Variants in TBC1D5 observed in about 807,000 individuals in gnomAD.
TBC1D5 encodes the protein TBC1 domain family member 5, also known as TBC1 domain family, member 5.
In TBC1D5, 75 loss-of-function variants were observed where a neutral mutation model predicts 100.3. The ratio of observed to expected loss-of-function variants is 0.75; its 90% CI spans 0.62 to 0.91. TBC1D5 has a LOEUF of 0.91. Ranked by LOEUF, TBC1D5 falls within the 40% of genes least tolerant of loss-of-function variation. The pLI is 0.00. For synonymous variants in TBC1D5, 323 were observed against 325.6 expected, an observed-to-expected ratio of 0.99 and a Z score of 0.09; for missense variants, 910 against 942.4, an observed-to-expected ratio of 0.97 and a Z score of 0.45.
chr3:17,691,712 G>T (rs1449408776), intron 1 of TBC1D5, among the ~76,000 whole-genome samples: 1 of 151,876 alleles, frequency 6.6e-6, no homozygotes, highest in African/African-American at 2.4e-5. Flanking sequence ...AGCTATTCAG[G>T]AGCCTGAGGC....
At chr3:17,690,438 G>A (rs539350121) in intron 1 of TBC1D5, among the ~76,000 whole-genome samples, 358 of 34,786 alleles carry the variant, frequency 0.01, 105 homozygotes, top group African/African-American at 0.029. Flanking sequence ...GGATGGTCTC[G>A]ATCTCCTGAC....
At position 17,701,685 on chromosome 3, in the gene TBC1D5, C is replaced by T. The variant is rs1335512771; in HGVS notation, c.-101+37658G>A. 5.3e-5 allele frequency among the ~76,000 whole-genome samples: 8 copies of T among 151,800 alleles called. 1 individual carries two copies. The East Asian group carries it at 9.6e-4, about 18-fold the overall frequency. ...TATGAACAGTATCCAAATAAATAATCGTTGAAATTTTTCCAGACTAACTGA... is the reference window on the plus strand; with the variant it reads ...TATGAACAGTATCCAAATAAATAATTGTTGAAATTTTTCCAGACTAACTGA... On this transcript the variant is annotated intron_variant, in intron 1 of 21. Transcript: ENST00000253692.
At chr3:17,354,893 C>G (rs190898720) in intron 13 of TBC1D5, among the ~76,000 whole-genome samples, 1 of 151,922 alleles carries the variant, frequency 6.6e-6, no homozygotes, top group African/African-American at 2.4e-5. Flanking sequence ...AGAATGCACA[C>G]GGACAAATTC....
intron 2 of TBC1D5, among the ~76,000 whole-genome samples, chr3:17,554,348 A>AG (rs1249818230): frequency 6.6e-6 from 1 of 152,210 alleles, no homozygotes; most frequent in Admixed American, 6.5e-5. Flanking sequence ...GTAATGTGGG[A>AG]GACCAGTCAG....
intron 1 of TBC1D5, among the ~76,000 whole-genome samples, chr3:17,673,311 C>CTTTTTTTTTTTTTTTTTTTT (rs374496313): frequency 7.9e-6 from 1 of 125,982 alleles, no homozygotes. Flanking sequence ...CTTTTCTTTT[C>CTTTTTTTTTTTTTTTTTTTT]TTTTTTTTTT....
intron 3 of TBC1D5, among the ~76,000 whole-genome samples, chr3:17,449,416 C>A (rs1308404156): frequency 1.3e-5 from 2 of 152,142 alleles, no homozygotes; most frequent in Non-Finnish European, 2.9e-5. Context: ...GGTGCTGAAG[C>A]CAGGGAGCCA....
At chr3:17,736,014 C>T (rs1365843362) in intron 1 of TBC1D5, among the ~76,000 whole-genome samples, 1 of 152,158 alleles carries the variant, frequency 6.6e-6, no homozygotes, top group African/African-American at 2.4e-5. Flanking sequence ...TGCTCTCAGG[C>T]AATATACGAT....
intron 18 of TBC1D5, among the ~76,000 whole-genome samples, chr3:17,199,472 A>G (rs555988320): frequency 1.3e-5 from 2 of 152,360 alleles, no homozygotes; most frequent in South Asian, 4.1e-4. Flanking sequence ...ATATTTTCAC[A>G]TCATGATACA....
intron 2 of TBC1D5, among the ~76,000 whole-genome samples, chr3:17,515,716 G>A (rs1031778391): frequency 1.1e-4 from 16 of 152,170 alleles, no homozygotes; most frequent in African/African-American, 3.6e-4. Flanking sequence ...AAGCTGTTTC[G>A]AAATCTGAGA....
chr3:17,160,229 C>T (rs193252952), exon 22 of TBC1D5: 2 of 152,204 alleles, frequency 1.3e-5, no homozygotes, highest in African/African-American at 2.4e-5. Flanking sequence ...ATATTGATGG[C>T]CAAAGTTGAT....
At chr3:17,226,403 C>T (rs999070281) in intron 17 of TBC1D5, among the ~76,000 whole-genome samples, 15 of 150,668 alleles carry the variant, frequency 1.0e-4, no homozygotes, top group African/African-American at 2.9e-4. Context: ...TTCTAAAATA[C>T]GCTGCTGTAG....
intron 13 of TBC1D5, among the ~76,000 whole-genome samples, chr3:17,349,437 A>G (rs1193535820): frequency 1.3e-5 from 2 of 152,148 alleles, no homozygotes; most frequent in African/African-American, 4.8e-5. Context: ...TCTGTTTAAA[A>G]TAACTAATTA....
chr3:17,265,666 G>A (rs938196534), intron 15 of TBC1D5, among the ~76,000 whole-genome samples: 1 of 152,102 alleles, frequency 6.6e-6, no homozygotes, highest in Admixed American at 6.6e-5. Context: ...TGTTTTAGGG[G>A]AGACAGGTGG....
chr3:17,534,087 G>T (rs1278071344), intron 2 of TBC1D5, among the ~76,000 whole-genome samples: 1 of 152,030 alleles, frequency 6.6e-6, no homozygotes, highest in African/African-American at 2.4e-5. Context: ...CCTCCCCAAA[G>T]AAATAGATCA....
At chr3:17,271,722 TATG>T (rs1472627587) in intron 15 of TBC1D5, among the ~76,000 whole-genome samples, 1 of 152,200 alleles carries the variant, frequency 6.6e-6, no homozygotes, top group African/African-American at 2.4e-5. Flanking sequence ...GCCTGTTCAG[TATG>T]ATGTTGGCTG....
chr3:17,508,440 C>T (rs781672143), intron 3 of TBC1D5, 34 bp downstream of exon 3: 23 of 1,555,728 alleles, frequency 1.5e-5, no homozygotes, highest in Non-Finnish European at 8.9e-7. Flanking sequence ...TCCCAGTACA[C>T]TACCTACAAA....
At chr3:17,713,820 A>G (rs1390025680) in intron 1 of TBC1D5, among the ~76,000 whole-genome samples, 1 of 152,200 alleles carries the variant, frequency 6.6e-6, no homozygotes, top group Non-Finnish European at 1.5e-5. Flanking sequence ...TGCAAATCAA[A>G]ACCACAATGG....
At chr3:17,575,213 G>A (rs557671667) in intron 2 of TBC1D5, 4 of 151,950 alleles carry the variant, frequency 2.6e-5, no homozygotes, top group Non-Finnish European at 5.9e-5. Flanking sequence ...CTGTAGTGGG[G>A]GCTGAGGTGG....
At chr3:17,196,964 T>C (rs1421589292) in intron 18 of TBC1D5, among the ~76,000 whole-genome samples, 1 of 152,208 alleles carries the variant, frequency 6.6e-6, no homozygotes, top group Non-Finnish European at 1.5e-5. Context: ...AATGGGTGAA[T>C]GCAGAAAACT....
Sources: gnomAD v4.1 joint callset for allele counts (sites outside exome capture counted in the v4.1 genomes callset) on GRCh38, gnomAD v4.1.1 for gene constraint, MANE v1.5 for transcripts, NCBI Gene and HGNC (gene_info 2026-07-23, HGNC 2026-07-21) for gene names.